The following FTO variants were observed in gnomAD, a reference collection of about 807,000 sequenced individuals.
FTO encodes the protein FTO alpha-ketoglutarate dependent dioxygenase.
FTO carries 47 observed loss-of-function variants against 63.9 expected under a neutral mutation model. That is an observed-to-expected ratio of 0.74 (90% CI 0.58 to 0.94). FTO has a LOEUF of 0.94. Ranked by LOEUF, FTO falls within the 40% of genes least tolerant of loss-of-function variation. The probability of loss-of-function intolerance (pLI) is 0.00; values close to 1 mark genes in which losing one functional copy is unlikely to be tolerated. For missense variants in FTO, 562 were observed against 618.1 expected (o/e 0.91, Z 0.96); for synonymous variants, 207 against 224.4 (o/e 0.92, Z 0.69).
At chr16:53,873,717 G>A in intron 4 of FTO, 69 bp from the exon 5 acceptor site, 6 of 1,209,838 alleles carry the variant, frequency 5.0e-6, no homozygotes, top group Non-Finnish European at 7.3e-6. Context: ...TTGTGTTTTA[G>A]TTAAATAATA....
rs143695616 is a variant in FTO at position 53,825,979 on chromosome 16, G to A, written c.239G>A (p.Arg80Gln). 10 of 1,614,056 alleles carry A rather than the reference G, an allele frequency of 6.2e-6. No homozygotes were observed. Among genetic ancestry groups the A allele is most frequent in the South Asian group, 2.2e-5 (2 of 91,068 alleles). ...CTGCACAAGCATGGCTGCTTATTTC[G>A]GGACCTGGTTAGGATCCAAGGCAAA... is the stretch of plus-strand genomic sequence containing the variant. ...LTLHKHGCLF[R>Q]DLVRIQGKDL... The change falls in exon 3 of 9, where the codon CGG becomes CAG. Residue 80 changes from arginine to glutamine, a missense_variant. Coordinates refer to ENST00000471389, the MANE Select transcript of FTO (RefSeq NM_001080432.3).
intron 8 of FTO, among the ~76,000 whole-genome samples, chr16:54,028,073 T>G (rs768793059): frequency 6.6e-6 from 1 of 152,186 alleles, no homozygotes; most frequent in African/African-American, 2.4e-5. Context: ...AGATAAAGTA[T>G]CTTATCTGTC....
chr16:53,866,742 A>C (rs777282953), intron 4 of FTO, among the ~76,000 whole-genome samples: 1 of 152,008 alleles, frequency 6.6e-6, no homozygotes, highest in Non-Finnish European at 1.5e-5. Flanking sequence ...GACATTAGTA[A>C]TATGTTTCTT....
intron 1 of FTO, among the ~76,000 whole-genome samples, chr16:53,786,649 G>C (rs1176649329): frequency 6.6e-6 from 1 of 152,166 alleles, no homozygotes; most frequent in African/African-American, 2.4e-5. Context: ...TTACTCTAAA[G>C]TTTTAATAGG....
intron 6 of FTO, among the ~76,000 whole-genome samples, chr16:53,883,642 A>ACG (rs1190662398): frequency 4.6e-5 from 7 of 150,562 alleles, no homozygotes; most frequent in South Asian, 2.1e-4. Flanking sequence ...AAAACAAAAA[A>ACG]AAAAAAACAA....
At position 54,105,581 on chromosome 16, in the gene FTO, A is replaced by T. The variant is rs574549598; in HGVS notation, c.1365-6181A>T. On this transcript the variant is annotated intron_variant, in intron 8 of 8. Coordinates refer to ENST00000471389, the MANE Select transcript of FTO (RefSeq NM_001080432.3). ...CTACCCCTGCCATCTCTCCTAGATT[A>T]TTAGGAAAGTAAGAAGCAGTGCTGT... Among the ~76,000 whole-genome samples, 9 of 152,338 alleles carry T rather than the reference A, an allele frequency of 5.9e-5. No individual in the cohort carries two copies. In the South Asian group the frequency reaches 8.3e-4, roughly 14 times the overall value.
chr16:53,795,784 A>G (rs2078050302), intron 1 of FTO, among the ~76,000 whole-genome samples: 1 of 152,244 alleles, frequency 6.6e-6, no homozygotes, highest in South Asian at 2.1e-4. Context: ...AAGAAAGATT[A>G]GCAACAATAG....
chr16:53,964,857 G>T (rs979348122), intron 8 of FTO, among the ~76,000 whole-genome samples: 2 of 152,076 alleles, frequency 1.3e-5, no homozygotes, highest in African/African-American at 4.8e-5. Flanking sequence ...ATAGTATGAA[G>T]ATTTCATTTT....
At chr16:53,704,014 T>A, upstream of FTO, 1 of 728,274 alleles carries the variant, frequency 1.4e-6, no homozygotes, top group Admixed American at 2.1e-5. Flanking sequence ...CTAAATCCCG[T>A]GGCGCTCGCG....
chr16:54,025,795 C>G (rs1169818753), intron 8 of FTO, among the ~76,000 whole-genome samples: 1 of 151,952 alleles, frequency 6.6e-6, no homozygotes, highest in Non-Finnish European at 1.5e-5. Flanking sequence ...GGCGGATCAC[C>G]TGAGGTCAGA....
intron 4 of FTO, among the ~76,000 whole-genome samples, chr16:53,872,591 A>G (rs1401640086): frequency 1.3e-5 from 2 of 152,134 alleles, no homozygotes; most frequent in Admixed American, 6.5e-5. Context: ...CCTTTGATTC[A>G]TATTTTTGGC....
At chr16:53,789,382 G>A (rs1381109233) in intron 1 of FTO, among the ~76,000 whole-genome samples, 1 of 152,194 alleles carries the variant, frequency 6.6e-6, no homozygotes, top group Non-Finnish European at 1.5e-5. Flanking sequence ...CTTAATGTGA[G>A]TAAGATTCCT....
intron 7 of FTO, among the ~76,000 whole-genome samples, chr16:53,913,097 C>A (rs548605483): frequency 3.2e-4 from 49 of 152,296 alleles, no homozygotes; most frequent in African/African-American, 1.2e-3. Context: ...TGCTTTGCCT[C>A]ATTTCAACTT....
intron 1 of FTO, among the ~76,000 whole-genome samples, chr16:53,740,486 G>A (rs112052930): frequency 6.6e-6 from 1 of 152,198 alleles, no homozygotes; most frequent in South Asian, 2.1e-4. Context: ...AAAATGTGCT[G>A]ATAGAATATT....
chr16:53,729,253 G>A (rs2076217535), intron 1 of FTO, among the ~76,000 whole-genome samples: 1 of 151,872 alleles, frequency 6.6e-6, no homozygotes, highest in Non-Finnish European at 1.5e-5. Context: ...AATGGGCCAG[G>A]AGCCGTGGCT....
chr16:53,733,623 C>T (rs566403950), intron 1 of FTO, among the ~76,000 whole-genome samples: 115 of 151,990 alleles, frequency 7.6e-4, no homozygotes, highest in African/African-American at 2.7e-3. Context: ...TTGAGATGGT[C>T]GATATAATTT....
chr16:53,801,502 A>G (rs1459168699), intron 1 of FTO, among the ~76,000 whole-genome samples: 1 of 152,046 alleles, frequency 6.6e-6, no homozygotes, highest in African/African-American at 2.4e-5. Flanking sequence ...TATTTCCCAT[A>G]TAGTTACCAT....
chr16:53,827,639 A>AT (rs2151780005), intron 3 of FTO, among the ~76,000 whole-genome samples: 2 of 152,290 alleles, frequency 1.3e-5, no homozygotes, highest in South Asian at 4.1e-4. Context: ...AACTACTAAT[A>AT]TTTTTTCTAA....
chr16:53,717,944 A>T (rs185706028), intron 1 of FTO, among the ~76,000 whole-genome samples: 2 of 152,242 alleles, frequency 1.3e-5, no homozygotes, highest in East Asian at 3.9e-4. Flanking sequence ...CCCTATAATT[A>T]GTCTTTACTT....
Sources: allele counts gnomAD v4.1 joint callset (sites outside exome capture counted in the v4.1 genomes callset), GRCh38; gene constraint gnomAD v4.1.1; transcripts MANE v1.5; gene names NCBI Gene and HGNC (gene_info 2026-07-23, HGNC 2026-07-21).